The following CNTNAP2 variants were observed in gnomAD, a reference collection of about 807,000 sequenced individuals.
CNTNAP2 encodes contactin associated protein 2.
Under a neutral mutation model 155.2 loss-of-function variants are expected in CNTNAP2, and 98 were observed. The ratio of observed to expected loss-of-function variants is 0.63; its 90% CI spans 0.54 to 0.75. The LOEUF (loss-of-function observed/expected upper bound fraction) is 0.75. CNTNAP2 is among the 30% of genes least tolerant of loss of function. The pLI, the probability that CNTNAP2 is intolerant of heterozygous loss-of-function variation, is 0.00. For missense variants in CNTNAP2, 1,727 were observed against 1,688.1 expected (o/e 1.02, Z -0.40); for synonymous variants, 651 against 631.2 (o/e 1.03, Z -0.47).
chr7:146,301,657 A>G (rs937821672), intron 1 of CNTNAP2, among the ~76,000 whole-genome samples: 1 of 152,014 alleles, frequency 6.6e-6, no homozygotes, highest in African/African-American at 2.4e-5. Context: ...AACAACAACA[A>G]AAAGATATAC....
chr7:146,384,713 A>G (rs1293894971), intron 1 of CNTNAP2, among the ~76,000 whole-genome samples: 1 of 152,164 alleles, frequency 6.6e-6, no homozygotes, highest in Non-Finnish European at 1.5e-5. Flanking sequence ...AATGGTTAAA[A>G]AAAAATGTAC....
At chr7:147,683,573 C>G (rs920795615) in intron 13 of CNTNAP2, among the ~76,000 whole-genome samples, 1 of 151,686 alleles carries the variant, frequency 6.6e-6, no homozygotes, top group Non-Finnish European at 1.5e-5. Flanking sequence ...CAACAATTAC[C>G]TTGTCCATAT....
chr7:147,337,065 T>A (rs1795676576), intron 9 of CNTNAP2, among the ~76,000 whole-genome samples: 1 of 152,162 alleles, frequency 6.6e-6, no homozygotes, highest in South Asian at 2.1e-4. Context: ...TATTAAAACT[T>A]TTATTTTTAT....
At chr7:147,673,032 C>T (rs113967323) in intron 13 of CNTNAP2, 19 of 151,986 alleles carry the variant, frequency 1.3e-4, no homozygotes, top group African/African-American at 3.9e-4. Flanking sequence ...TTTTCATTAA[C>T]AGTCATTTTT....
Position 147,527,015 on chromosome 7 carries a change from C to CTTTTTTTTTTTTTTTT in CNTNAP2, c.1778-35111_1778-35096dup, listed in dbSNP as rs888976222. Among the ~76,000 whole-genome samples the CTTTTTTTTTTTTTTTT allele has an allele frequency of 8.1e-4, 53 of 65,164 alleles. 7 individuals are homozygous for CTTTTTTTTTTTTTTTT. Among genetic ancestry groups the CTTTTTTTTTTTTTTTT allele is most frequent in the African/African-American group, 3.8e-3 (48 of 12,764 alleles). The allele number at this position is 65,164 out of a possible 152,430, so 42.8% of individuals were successfully genotyped here. ...CATGAATTATGGAAGACAGGCATTTCTTTTTTTTTTTTTTTTTTTTTTTTT... is the reference window on the plus strand; with the variant it reads ...CATGAATTATGGAAGACAGGCATTTCTTTTTTTTTTTTTTTTTTTTTTTTTTTTTTTTTTTTTTTTT... On this transcript the variant is annotated intron_variant, in intron 11 of 23. Coordinates refer to ENST00000361727, the MANE Select transcript of CNTNAP2 (RefSeq NM_014141.6).
chr7:146,811,959 G>T (rs893606391), intron 2 of CNTNAP2, among the ~76,000 whole-genome samples: 1 of 152,124 alleles, frequency 6.6e-6, no homozygotes, highest in Admixed American at 6.6e-5. Context: ...CAGCCTTGTG[G>T]AACTGTGAGG....
chr7:148,194,169 A>T (rs892151075), intron 18 of CNTNAP2, among the ~76,000 whole-genome samples: 159 of 145,012 alleles, frequency 1.1e-3, no homozygotes, highest in Non-Finnish European at 2.1e-3. Flanking sequence ...GTGTGTACAT[A>T]TTTTTTTTTG....
Position 146,485,835 on chromosome 7 carries a change from T to C in CNTNAP2, c.98-288436T>C, listed in dbSNP as rs138891491. ...GACACAAATTACCTATTAACAAACC[T>C]GCACACGTACCCCAAACTTAAAATA... On this transcript the variant is annotated intron_variant, in intron 1 of 23. Coordinates refer to ENST00000361727, the MANE Select transcript of CNTNAP2 (RefSeq NM_014141.6). Among the ~76,000 whole-genome samples the C allele has an allele frequency of 5.3e-3, 804 of 152,058 alleles. 9 individuals carry two copies. Among genetic ancestry groups the C allele is most frequent in the African/African-American group, 0.018 (752 of 41,484 alleles).
intron 22 of CNTNAP2, among the ~76,000 whole-genome samples, chr7:148,404,945 A>G (rs6969787): frequency 0.29 from 44,659 of 151,984 alleles, 7,566 homozygotes; most frequent in African/African-American, 0.46. Context: ...CCTCTGCCAC[A>G]CTGCTCTGCT....
chr7:148,243,191 T>C (rs1188115975), intron 20 of CNTNAP2, among the ~76,000 whole-genome samples: 4 of 152,172 alleles, frequency 2.6e-5, no homozygotes, highest in Non-Finnish European at 4.4e-5. Flanking sequence ...ATCAGCCCAC[T>C]CCACCGATCT....
Position 147,977,905 on chromosome 7 carries a change from G to A in CNTNAP2, c.2299G>A (p.Val767Met). The change falls in exon 15 of 24, where the codon GTG (valine) becomes ATG (methionine). Residue 767 changes from valine to methionine, a missense_variant. By Grantham distance (21) the Val-to-Met change is conservative. Transcript: ENST00000361727. ...GFLSYKDHLPVSQVVVGDTDR... is the reference protein window; with the variant it reads ...GFLSYKDHLPMSQVVVGDTDR... The stretch of plus-strand genomic sequence containing the variant: ...CTTATCATACAAAGATCACCTGCCA[G>A]TGAGCCAAGTGGTGGTTGGAGATAC... 6.2e-7 allele frequency: 1 copy of A among 1,614,170 alleles called. No individual in the cohort carries two copies.
intron 12 of CNTNAP2, among the ~76,000 whole-genome samples, chr7:147,602,821 A>G (rs868213513): frequency 6.6e-6 from 1 of 151,964 alleles, no homozygotes; most frequent in Non-Finnish European, 1.5e-5. Flanking sequence ...ACATGAACTC[A>G]TCATTTTTTA....
intron 13 of CNTNAP2, among the ~76,000 whole-genome samples, chr7:147,849,586 T>A (rs1798885760): frequency 6.6e-6 from 1 of 152,220 alleles, no homozygotes; most frequent in Admixed American, 6.5e-5. Context: ...TTGATAAGTA[T>A]CCACAGGACA....
chr7:147,897,328 T>C (rs925486584), intron 13 of CNTNAP2, among the ~76,000 whole-genome samples: 2 of 152,186 alleles, frequency 1.3e-5, no homozygotes, highest in African/African-American at 2.4e-5. Flanking sequence ...GATTCTGAGA[T>C]ATATAATCTT....
chr7:147,852,230 A>T (rs1798958648), intron 13 of CNTNAP2, among the ~76,000 whole-genome samples: 1 of 152,194 alleles, frequency 6.6e-6, no homozygotes, highest in Admixed American at 6.5e-5. Flanking sequence ...CTTATCACAA[A>T]CACTCTTAGT....
chr7:147,812,389 A>G (rs1387886376), intron 13 of CNTNAP2, among the ~76,000 whole-genome samples: 1 of 152,038 alleles, frequency 6.6e-6, no homozygotes. Flanking sequence ...AAGATCATTT[A>G]CCTTGATAGA....
intron 9 of CNTNAP2, among the ~76,000 whole-genome samples, chr7:147,363,830 A>G (rs1244595213): frequency 1.3e-5 from 2 of 152,252 alleles, no homozygotes; most frequent in African/African-American, 4.8e-5. Context: ...CAAAAACTAC[A>G]TCTAGCACAT....
At chr7:147,270,359 T>C (rs1804716490) in intron 8 of CNTNAP2, among the ~76,000 whole-genome samples, 1 of 152,218 alleles carries the variant, frequency 6.6e-6, no homozygotes, top group Non-Finnish European at 1.5e-5. Context: ...GCAGGATATC[T>C]CATTACAAAC....
At position 148,238,125 on chromosome 7, in the gene CNTNAP2, T is replaced by C. The variant is rs141299713; in HGVS notation, c.3381+8346T>C. ...CAGCACTTCGGGAGGCCGAGGCGGGTGGATCATGATGTCAAGAGATCGAGA... is the reference window on the plus strand; with the variant it reads ...CAGCACTTCGGGAGGCCGAGGCGGGCGGATCATGATGTCAAGAGATCGAGA... On this transcript the variant is annotated intron_variant, in intron 20 of 23. Coordinates refer to ENST00000361727, the MANE Select transcript of CNTNAP2 (RefSeq NM_014141.6). 8.0e-3 allele frequency among the ~76,000 whole-genome samples: 1,214 copies of C among 152,108 alleles called. 12 individuals are homozygous for C. The highest frequency in any genetic ancestry group is 0.015 in the Non-Finnish European group (997 of 67,982).
Sources: allele counts gnomAD v4.1 joint callset (sites outside exome capture counted in the v4.1 genomes callset), GRCh38; gene constraint gnomAD v4.1.1; transcripts MANE v1.5; gene names NCBI Gene and HGNC (gene_info 2026-07-23, HGNC 2026-07-21).